RIMKLB: variants seen among roughly 807,000 people sequenced by gnomAD.
The protein encoded by RIMKLB is ribosomal modification protein rimK like family member B, also known as beta-citrylglutamate synthase B.
A neutral mutation model predicts 32.0 loss-of-function variants in RIMKLB; 7 were observed. The observed-to-expected ratio is 0.22, with a 90% CI of 0.12 to 0.41. RIMKLB has a LOEUF of 0.41. Among genes scored for constraint, RIMKLB ranks in the 10% least tolerant of loss-of-function variants. The pLI, the probability that RIMKLB is intolerant of heterozygous loss-of-function variation, is 1.00. For missense variants in RIMKLB, 289 were observed against 498.7 expected (o/e 0.58, Z 4.00); for synonymous variants, 172 against 185.1 (o/e 0.93, Z 0.57).
At chr12:8,728,817 T>G (rs951141267) in intron 2 of RIMKLB, among the ~76,000 whole-genome samples, 22 of 151,910 alleles carry the variant, frequency 1.4e-4, no homozygotes, top group African/African-American at 5.3e-4. Flanking sequence ...TTGTTTGTTT[T>G]TTAAGAGATG....
At chr12:8,733,053 A>G (rs147038753) in intron 2 of RIMKLB, among the ~76,000 whole-genome samples, 121 of 152,276 alleles carry the variant, frequency 7.9e-4, no homozygotes, top group African/African-American at 2.6e-3. Context: ...AATGTACCCA[A>G]TATTTAGTAT....
chr12:8,696,950 G>A (rs1380170437), upstream of RIMKLB, among the ~76,000 whole-genome samples: 7 of 152,132 alleles, frequency 4.6e-5, no homozygotes, highest in Non-Finnish European at 8.8e-5. Context: ...AACCTGGGAG[G>A]TCGTCTGTAG....
chr12:8,762,348 C>A (rs1312661737), intron 5 of RIMKLB, among the ~76,000 whole-genome samples: 1 of 152,174 alleles, frequency 6.6e-6, no homozygotes, highest in Non-Finnish European at 1.5e-5. Context: ...ATTTCTTCTT[C>A]TGAGTACTGG....
chr12:8,722,389 T>C (rs1945540107), intron 2 of RIMKLB, among the ~76,000 whole-genome samples: 3 of 152,062 alleles, frequency 2.0e-5, no homozygotes, highest in African/African-American at 7.2e-5. Flanking sequence ...TTTTTCTGAG[T>C]AGTAGGTCTC....
chr12:8,751,204 C>T, intron 3 of RIMKLB, among the ~76,000 whole-genome samples: 1 of 152,120 alleles, frequency 6.6e-6, no homozygotes, highest in South Asian at 2.1e-4. Flanking sequence ...AAAAGGTTAA[C>T]CAAATTAACA....
chr12:8,748,519 C>T (rs1057486602), intron 2 of RIMKLB, among the ~76,000 whole-genome samples: 10 of 131,268 alleles, frequency 7.6e-5, no homozygotes, highest in Non-Finnish European at 1.3e-4. Flanking sequence ...TGGGATTATT[C>T]GTGTGTGTGT....
At chr12:8,781,494 G>A (rs1297153644), downstream of RIMKLB, among the ~76,000 whole-genome samples, 2 of 152,128 alleles carry the variant, frequency 1.3e-5, no homozygotes, top group Non-Finnish European at 2.9e-5. Flanking sequence ...TTGTCACTGT[G>A]CCATGTTCCA....
intron 2 of RIMKLB, among the ~76,000 whole-genome samples, chr12:8,744,639 A>T (rs1412582598): frequency 6.6e-6 from 1 of 151,400 alleles, no homozygotes; most frequent in African/African-American, 2.4e-5. Context: ...TTTAATAATT[A>T]TAGATTTTGC....
At position 8,760,346 on chromosome 12, in the gene RIMKLB, A is replaced by T. The variant is rs59224760; in HGVS notation, c.697+6253A>T. 2.4e-3 allele frequency among the ~76,000 whole-genome samples: 358 copies of T among 152,244 alleles called. 4 individuals are homozygous for T. The highest frequency in any genetic ancestry group is 8.3e-3 in the African/African-American group (343 of 41,544). ...ATTTTCTTAATCCAGTCTATCATTG[A>T]TGGACATTTGGGTTGGTTCCAAGTC... On this transcript the variant is annotated intron_variant, in intron 5 of 5. Transcript: ENST00000535829.
intron 2 of RIMKLB, among the ~76,000 whole-genome samples, chr12:8,733,973 A>G (rs1039286083): frequency 3.3e-5 from 5 of 152,210 alleles, no homozygotes; most frequent in Admixed American, 2.6e-4. Flanking sequence ...ACACTTTGAA[A>G]GGTACAGTGT....
chr12:8,731,389 C>T (rs1030098348), intron 2 of RIMKLB, among the ~76,000 whole-genome samples: 8 of 152,078 alleles, frequency 5.3e-5, no homozygotes, highest in Non-Finnish European at 7.4e-5. Context: ...TGAGCCACTG[C>T]CCTGGGCCTC....
At chr12:8,674,863 C>CTTT in the RIMKLB span, among the ~76,000 whole-genome samples, 6 of 128,250 alleles carry the variant, frequency 4.7e-5, no homozygotes, top group Admixed American at 8.1e-5. Flanking sequence ...TGTCACAATT[C>CTTT]TTTTTTTTTT....
At chr12:8,702,735 T>C (rs1943512895) in intron 1 of RIMKLB, among the ~76,000 whole-genome samples, 2 of 152,212 alleles carry the variant, frequency 1.3e-5, no homozygotes, top group African/African-American at 4.8e-5. Context: ...GAGTTCTCAG[T>C]TGTTAGTTTA....
At chr12:8,714,788 T>C (rs1006235367) in intron 2 of RIMKLB, among the ~76,000 whole-genome samples, 3 of 152,216 alleles carry the variant, frequency 2.0e-5, no homozygotes, top group African/African-American at 7.2e-5. Context: ...GGGAGCATTA[T>C]ATGGTGTCAT....
intron 1 of RIMKLB, among the ~76,000 whole-genome samples, chr12:8,698,634 AC>A (rs1440991888): frequency 6.6e-6 from 1 of 151,564 alleles, no homozygotes; most frequent in Non-Finnish European, 1.5e-5. Context: ...GGGTGTGGTA[AC>A]CCCGGGAACG....
intron 5 of RIMKLB, among the ~76,000 whole-genome samples, chr12:8,771,948 G>A (rs1310190552): frequency 6.6e-6 from 1 of 152,146 alleles, no homozygotes; most frequent in African/African-American, 2.4e-5. Context: ...GAGTGCAGTG[G>A]CACAATCTTG....
intron 2 of RIMKLB, among the ~76,000 whole-genome samples, chr12:8,725,949 GCGATT>G (rs1234696324): frequency 6.6e-6 from 1 of 152,206 alleles, no homozygotes; most frequent in Admixed American, 6.5e-5. Flanking sequence ...CCAGGTTCAA[GCGATT>G]CTCCTGTCTC....
intron 1 of RIMKLB, among the ~76,000 whole-genome samples, chr12:8,713,327 CA>C (rs1944537239): frequency 6.6e-6 from 1 of 151,650 alleles, no homozygotes; most frequent in African/African-American, 2.4e-5. Context: ...ATACCTATAA[CA>C]AAACCAGGGA....
At chr12:8,782,007 CTTT>C (rs71659540), downstream of RIMKLB, among the ~76,000 whole-genome samples, 14 of 142,600 alleles carry the variant, frequency 9.8e-5, no homozygotes, top group African/African-American at 3.3e-4. Context: ...CTTATTTCAG[CTTT>C]TTTTTTTTTT....
Sources: allele counts gnomAD v4.1 joint callset (sites outside exome capture counted in the v4.1 genomes callset), GRCh38; gene constraint gnomAD v4.1.1; transcripts MANE v1.5; gene names NCBI Gene and HGNC (gene_info 2026-07-23, HGNC 2026-07-21).